The following ABCB6 variants were observed in gnomAD, a reference collection of about 807,000 sequenced individuals.
The protein encoded by ABCB6 is ATP binding cassette subfamily B member 6 (LAN blood group).
In ABCB6, 87 loss-of-function variants were observed where a neutral mutation model predicts 99.4. The ratio of observed to expected loss-of-function variants is 0.88; its 90% CI spans 0.74 to 1.05. The LOEUF is 1.05. Among genes scored for constraint, ABCB6 ranks in the 50% least tolerant of loss-of-function variants. The pLI, the probability that ABCB6 is intolerant of heterozygous loss-of-function variation, is 0.00. For synonymous variants in ABCB6, 482 were observed against 447.5 expected (o/e 1.08, Z -0.97); for missense variants, 1,050 against 1,097.9 (o/e 0.96, Z 0.62).
At position 219,214,459 on chromosome 2, in the gene ABCB6, C is replaced by T. The variant is rs775804124; in HGVS notation, c.1316G>A (p.Arg439His). 1.7e-5 allele frequency: 28 copies of T among 1,614,026 alleles called. 1 individual carries two copies. The highest frequency in any genetic ancestry group is 9.3e-5 in the African/African-American group (7 of 74,922). The change falls in exon 7 of 19, where the codon CGT becomes CAT. Residue 439 changes from arginine (R) to histidine (H), a missense_variant. Transcript: ENST00000265316. ...GTTCTCCTGTGTGTTCATAGCACGA[C>T]GAAACTTGGTTCTCCACTCAGTGAC... ...IVVTEWRTKF[R>H]RAMNTQENAT...
intron 1 of ABCB6, 117 bp downstream of exon 1, chr2:219,218,008 T>G: frequency 7.2e-7 from 1 of 1,394,870 alleles, no homozygotes. Context: ...ACTCAGCCCC[T>G]CCCTTCTCCC....
chr2:219,215,588 A>C, intron 5 of ABCB6: 1 of 168,296 alleles, frequency 5.9e-6, no homozygotes, highest in Non-Finnish European at 1.3e-5. Context: ...AAAAAATCTA[A>C]TAATTAGCCA....
At position 219,214,057 on chromosome 2, in the gene ABCB6, T is replaced by G. The variant is rs1298833065; in HGVS notation, c.1452+64A>C. On this transcript the variant is annotated intron_variant, in intron 8 of 18. Coordinates refer to ENST00000265316, the MANE Select transcript of ABCB6 (RefSeq NM_005689.4). ...TACCCCAACACTCGACTATCACTCT[T>G]GGCCCTGAAAATTCTACCAGGCCAG... 4 of 1,612,846 alleles carry G rather than the reference T, an allele frequency of 2.5e-6. No homozygotes were observed. The East Asian group carries it at 8.9e-5, about 36-fold the overall frequency.
chr2:219,210,873 G>A (rs1296720594), intron 15 of ABCB6, 50 bp from the exon 16 acceptor site: 1 of 1,613,218 alleles, frequency 6.2e-7, no homozygotes, highest in African/African-American at 1.3e-5. Context: ...GGGAACAGGG[G>A]TCAGGGATTA....
At chr2:219,210,124 CG>C in intron 18 of ABCB6, 78 bp from the exon 19 acceptor site, 1 of 1,595,600 alleles carries the variant, frequency 6.3e-7, no homozygotes, top group Non-Finnish European at 8.6e-7. Context: ...ACAGAGAGGA[CG>C]GGATGGGAAG....
chr2:219,212,189 G>A (rs982656874), intron 14 of ABCB6, among the ~76,000 whole-genome samples, 198 bp downstream of exon 14: 2 of 151,978 alleles, frequency 1.3e-5, no homozygotes, highest in African/African-American at 4.8e-5. Context: ...GAGCCACTGC[G>A]CCCAGCCCTT....
Position 219,215,038 on chromosome 2 carries a change from A to G in ABCB6, c.1199T>C (p.Ile400Thr). 1.2e-6 allele frequency: 2 copies of G among 1,614,176 alleles called. No homozygotes were observed. The highest frequency in any genetic ancestry group is 1.7e-6 in the Non-Finnish European group (2 of 1,180,020). The change falls in exon 6 of 19, where the codon ATT becomes ACT. Residue 400 changes from isoleucine (I) to threonine (T), a missense_variant. Ile to Thr is a moderately conservative substitution (Grantham distance 89, BLOSUM62 -1). Transcript: ENST00000265316. ...NVIPTLADII[I>T]GIIYFSMFFN... Reference sequence around the variant, plus strand: ...GAACATGCTGAAGTAGATGATGCCAATGATGATGTCGGCCAGCGTGGGGAT... The same window carrying G: ...GAACATGCTGAAGTAGATGATGCCAGTGATGATGTCGGCCAGCGTGGGGAT...
Position 219,218,744 on chromosome 2 carries a change from G to C in ABCB6, c.-71C>G. 6.9e-7 allele frequency: 1 copy of C among 1,452,388 alleles called. No homozygotes were observed. Among genetic ancestry groups the C allele is most frequent in the Non-Finnish European group, 9.1e-7 (1 of 1,098,730 alleles). 90.0% of individuals were successfully genotyped at this position (1,452,388 alleles called of 1,614,324 possible). The stretch of plus-strand genomic sequence containing the variant: ...GAGGCCGGGACTGGTCACTCGGAGA[G>C]GGGCGCGGACATCCGGGTGCCTTGG... On this transcript the variant is annotated 5_prime_UTR_variant, in exon 1 of 19. Coordinates refer to ENST00000265316, the MANE Select transcript of ABCB6 (RefSeq NM_005689.4).
chr2:219,212,159 A>C (rs1006030145), intron 14 of ABCB6, among the ~76,000 whole-genome samples: 9 of 152,136 alleles, frequency 5.9e-5, no homozygotes, highest in Non-Finnish European at 1.2e-4. Flanking sequence ...GGCCTCCCAA[A>C]GTGCTGGGAT....
rs781295162 is a variant in ABCB6 at position 219,216,225 on chromosome 2, G to A, written c.971-45C>T. On this transcript the variant is annotated intron_variant, in intron 4 of 18. Transcript: ENST00000265316. The surrounding 1 kb of genome is among the most constrained non-coding windows in gnomAD (Gnocchi z 4.2). ...GCCTCAGTAGGGCCTGGGAGCTGAGGGACGTCAGCCCAGCACCAGGATGTG... is the reference window on the plus strand; with the variant it reads ...GCCTCAGTAGGGCCTGGGAGCTGAGAGACGTCAGCCCAGCACCAGGATGTG... The A allele has an allele frequency of 6.4e-7, 1 of 1,567,378 alleles. No homozygotes were observed. The highest frequency in any genetic ancestry group is 8.7e-7 in the Non-Finnish European group (1 of 1,152,542).
At chr2:219,213,418 T>C in intron 11 of ABCB6, 21 bp downstream of exon 11, 2 of 1,614,172 alleles carry the variant, frequency 1.2e-6, no homozygotes, top group Non-Finnish European at 1.7e-6. Flanking sequence ...CCCCAAACCC[T>C]ACTCCTCTCC....
In ABCB6 at chr2:219,216,121, G is replaced by A. The variant is rs1256856094; in HGVS notation, c.1030C>T (p.Arg344Trp). 8.8e-6 allele frequency: 14 copies of A among 1,596,736 alleles called. No homozygotes were observed. Among genetic ancestry groups the A allele is most frequent in the East Asian group, 4.5e-5 (2 of 44,070 alleles). The change falls in exon 5 of 19, where the codon CGG (arginine) becomes TGG (tryptophan). Residue 344 changes from arginine (R) to tryptophan (W), a missense_variant. Physicochemically the swap from Arg to Trp is moderately radical, Grantham distance 101 (BLOSUM62 -3). Coordinates refer to ENST00000265316, the MANE Select transcript of ABCB6 (RefSeq NM_005689.4). The surrounding 1 kb of genome is among the most constrained non-coding windows in gnomAD (Gnocchi z 4.2). ...TGGGAGAAGATGAGCAGCTCCACCC[G>A]CCGAGACGTGAACTGCTGCACCCGG... is the stretch of plus-strand genomic sequence containing the variant. ...WIRVQQFTSR[R>W]VELLIFSHLH...
chr2:219,215,271 C>T, intron 5 of ABCB6, 189 bp from the exon 6 acceptor site: 1 of 642,468 alleles, frequency 1.6e-6, no homozygotes. Context: ...GTATCAATTA[C>T]AATGAATGAG....
Position 219,214,502 on chromosome 2 carries a change from G to A in ABCB6, c.1277-4C>T, listed in dbSNP as rs775060800. 1.2e-6 allele frequency: 2 copies of A among 1,606,410 alleles called. No individual in the cohort carries two copies. The highest frequency in any genetic ancestry group is 1.1e-5 in the South Asian group (1 of 90,908). On this transcript the variant is annotated splice_polypyrimidine_tract_variant and splice_region_variant and intron_variant, in intron 6 of 18. Coordinates refer to ENST00000265316, the MANE Select transcript of ABCB6 (RefSeq NM_005689.4). ...TCAGTGACCACAATGGTCAGGGCTGGAGAGTGACAGGATGGGGAGCAGAAT... is the reference window on the plus strand; with the variant it reads ...TCAGTGACCACAATGGTCAGGGCTGAAGAGTGACAGGATGGGGAGCAGAAT...
chr2:219,217,902 A>T, intron 1 of ABCB6, 95 bp from the exon 2 acceptor site: 1 of 1,443,526 alleles, frequency 6.9e-7, no homozygotes, highest in South Asian at 1.4e-5. Flanking sequence ...TCATGAACAC[A>T]TTCAGCACTT....
At position 219,216,321 on chromosome 2, in the gene ABCB6, G is replaced by A. The variant is rs1226831714; in HGVS notation, c.970+43C>T. 6.3e-7 allele frequency: 1 copy of A among 1,597,970 alleles called. No individual in the cohort carries two copies. Among genetic ancestry groups the A allele is most frequent in the Non-Finnish European group, 8.6e-7 (1 of 1,165,772 alleles). ...GCGGATGCTGAGGGAATGCCTGTGGGAGGGACCTATACCTAGCAGGGTGAG... is the reference window on the plus strand; with the variant it reads ...GCGGATGCTGAGGGAATGCCTGTGGAAGGGACCTATACCTAGCAGGGTGAG... On this transcript the variant is annotated intron_variant, in intron 4 of 18. Coordinates refer to ENST00000265316, the MANE Select transcript of ABCB6 (RefSeq NM_005689.4). This position sits in a 1 kb window ranked among gnomAD's most constrained non-coding sequence, Gnocchi z 4.2.
At position 219,216,649 on chromosome 2, in the gene ABCB6, C is replaced by T. The variant is rs1374350488; in HGVS notation, c.868+3G>A. 1.3e-6 allele frequency: 2 copies of T among 1,554,128 alleles called. No individual in the cohort carries two copies. The highest frequency in any genetic ancestry group is 1.7e-6 in the Non-Finnish European group (2 of 1,148,198). On this transcript the variant is annotated splice_donor_region_variant and intron_variant, in intron 3 of 18. Coordinates refer to ENST00000265316, the MANE Select transcript of ABCB6 (RefSeq NM_005689.4). This position sits in a 1 kb window ranked among gnomAD's most constrained non-coding sequence, Gnocchi z 4.2. ...ACACTGAGCTGGTGCTCCTCCTGCT[C>T]ACCAATGTTCCTATAGAATATAGGC...
chr2:219,218,011 C>A, intron 1 of ABCB6, 114 bp downstream of exon 1: 13 of 1,415,742 alleles, frequency 9.2e-6, no homozygotes, highest in African/African-American at 1.4e-5. Context: ...CAGCCCCTCC[C>A]TTCTCCCTTT....
In ABCB6 at chr2:219,216,088, C is replaced by G. The variant is rs776541657; in HGVS notation, c.1063G>C (p.Glu355Gln). 2.5e-6 allele frequency: 4 copies of G among 1,591,538 alleles called. No individual in the cohort carries two copies. The South Asian group carries it at 4.5e-5, about 18-fold the overall frequency. Residue 355 changes from glutamate (E) to glutamine (Q), a missense_variant, in exon 5 of 19, where the codon GAG becomes CAG. By Grantham distance (29) the Glu-to-Gln change is conservative (BLOSUM62 2). Coordinates refer to ENST00000265316, the MANE Select transcript of ABCB6 (RefSeq NM_005689.4). This position sits in a 1 kb window ranked among gnomAD's most constrained non-coding sequence, Gnocchi z 4.2. ...VELLIFSHLH[E>Q]LSLRWHLGRR... ...CCCAGGTGCCAGCGCAGTGAGAGCT[C>G]GTGCAGGTGGGAGAAGATGAGCAGC...
Sources: gnomAD v4.1 joint callset for allele counts (sites outside exome capture counted in the v4.1 genomes callset) on GRCh38, gnomAD v4.1.1 for gene constraint, Gnocchi (gnomAD v3.1) non-coding constraint, MANE v1.5 for transcripts, NCBI Gene and HGNC (gene_info 2026-07-23, HGNC 2026-07-21) for gene names.